The following BIRC6 variants were observed in gnomAD, a reference collection of about 807,000 sequenced individuals.
BIRC6 encodes the protein baculoviral IAP repeat containing 6.
Under a neutral mutation model 503.3 loss-of-function variants are expected in BIRC6, and 98 were observed. The ratio of observed to expected loss-of-function variants is 0.19; its 90% CI spans 0.17 to 0.23. The LOEUF is 0.23. Ranked by LOEUF, BIRC6 falls within the 10% of genes least tolerant of loss-of-function variation. The pLI, the probability that BIRC6 is intolerant of heterozygous loss-of-function variation, is 1.00. For missense variants in BIRC6, 5,360 were observed against 5,806.0 expected (o/e 0.92, Z 2.50); for synonymous variants, 2,240 against 2,078.7 (o/e 1.08, Z -2.11).
chr2:32,537,959 C>A (rs1030239576), intron 61 of BIRC6, among the ~76,000 whole-genome samples: 1 of 149,480 alleles, frequency 6.7e-6, no homozygotes, highest in Middle Eastern at 3.2e-3. Context: ...AGCGAGACTC[C>A]GTCTCAAAAA....
chr2:32,477,452 A>C lies in BIRC6; in HGVS notation c.6937A>C (p.Ser2313Arg). The change falls in exon 35 of 74, where the codon AGT (serine) becomes CGT (arginine). Residue 2313 changes from serine to arginine, a missense_variant. By Grantham distance (110) the Ser-to-Arg change is moderately radical (BLOSUM62 -1). Coordinates refer to ENST00000421745, the MANE Select transcript of BIRC6 (RefSeq NM_016252.4). ...CACAGAAGTTACAACAGCAAAAGAA[A>C]GTCCTGAGATAGAACCACTTCCATT... ...LDTEVTTAKE[S>R]PEIEPLPFTL... The C allele has an allele frequency of 6.2e-7, 1 of 1,614,040 alleles. No homozygotes were observed.
At chr2:32,434,854 T>G (rs2044526372) in intron 13 of BIRC6, among the ~76,000 whole-genome samples, 1 of 152,186 alleles carries the variant, frequency 6.6e-6, no homozygotes, top group African/African-American at 2.4e-5. Flanking sequence ...AGTGAGACTC[T>G]GTCTGAAATA....
chr2:32,460,232 A>G (rs1465074153), intron 23 of BIRC6, among the ~76,000 whole-genome samples: 1 of 117,814 alleles, frequency 8.5e-6, no homozygotes, highest in Non-Finnish European at 1.7e-5. Flanking sequence ...CTCATATGAT[A>G]TATCTCGTAT....
intron 22 of BIRC6, among the ~76,000 whole-genome samples, chr2:32,452,505 C>G (rs2046833888): frequency 6.6e-6 from 1 of 152,062 alleles, no homozygotes. Flanking sequence ...GAATTGAGAA[C>G]TGTTCCTCTA....
intron 1 of BIRC6, among the ~76,000 whole-genome samples, chr2:32,360,286 G>T (rs2033852796): frequency 6.6e-6 from 1 of 152,196 alleles, no homozygotes; most frequent in Non-Finnish European, 1.5e-5. Context: ...GGCAAAGACA[G>T]TGAATTTTTA....
At chr2:32,456,093 C>A (rs991726091) in intron 23 of BIRC6, among the ~76,000 whole-genome samples, 1 of 152,188 alleles carries the variant, frequency 6.6e-6, no homozygotes, top group African/African-American at 2.4e-5. Context: ...ATTTCCAGCA[C>A]CCCAAAAGGT....
At chr2:32,449,959 C>T (rs2148547804) in intron 22 of BIRC6, among the ~76,000 whole-genome samples, 1 of 152,344 alleles carries the variant, frequency 6.6e-6, no homozygotes, top group South Asian at 2.1e-4. Flanking sequence ...TCACCATTTT[C>T]TGTCTTCTCT....
At chr2:32,406,602 C>A in intron 9 of BIRC6, 45 bp downstream of exon 9, 1 of 1,366,498 alleles carries the variant, frequency 7.3e-7, no homozygotes, top group Non-Finnish European at 1.0e-6. Context: ...ATTCTTTACA[C>A]AGTTGTGCAT....
chr2:32,477,326 T>G (rs2049880113), intron 34 of BIRC6, 42 bp from the exon 35 acceptor site: 3 of 1,579,202 alleles, frequency 1.9e-6, no homozygotes, highest in Non-Finnish European at 2.6e-6. Context: ...AAATTTTCAT[T>G]AAGTAAACAT....
At position 32,429,257 on chromosome 2, in the gene BIRC6, C is replaced by T; in HGVS notation, c.2984C>T (p.Ser995Phe). The change falls in exon 11 of 74, where the codon TCC becomes TTC. Residue 995 changes from serine to phenylalanine, a missense_variant. Physicochemically the swap from Ser to Phe is radical, Grantham distance 155. Coordinates refer to ENST00000421745, the MANE Select transcript of BIRC6 (RefSeq NM_016252.4). ...SKGIEPSSEG[S>F]KPLSNPSSPG... Reference sequence around the variant, plus strand: ...GGAATAGAACCATCTTCAGAAGGTTCCAAACCTTTATCAAATCCTTCAAGT... The same window carrying T: ...GGAATAGAACCATCTTCAGAAGGTTTCAAACCTTTATCAAATCCTTCAAGT... 1 of 1,538,926 alleles carries T rather than the reference C, an allele frequency of 6.5e-7. No individual in the cohort carries two copies. The highest frequency in any genetic ancestry group is 8.7e-7 in the Non-Finnish European group (1 of 1,143,088).
At chr2:32,418,815 G>A (rs2042641709) in intron 10 of BIRC6, among the ~76,000 whole-genome samples, 1 of 152,118 alleles carries the variant, frequency 6.6e-6, no homozygotes, top group South Asian at 2.1e-4. Context: ...AGGTGTGGTG[G>A]TGCATACCTG....
chr2:32,388,819 C>G lies in BIRC6; in HGVS notation c.715C>G (p.Leu239Val). 1.2e-6 allele frequency: 2 copies of G among 1,613,136 alleles called. No individual in the cohort carries two copies. The highest frequency in any genetic ancestry group is 1.7e-4 in the Middle Eastern group (1 of 6,058). Residue 239 changes from leucine to valine, a missense_variant, in exon 4 of 74, where the codon CTC (leucine) becomes GTC (valine). Coordinates refer to ENST00000421745, the MANE Select transcript of BIRC6 (RefSeq NM_016252.4). ...KSIASAIVNE[L>V]KKINQNVAAL... is the part of the protein sequence containing the mutation. ...CATTGCCAGTGCCATTGTAAATGAA[C>G]TCAAGAAAATAAATCAAAATGTTGC...
At chr2:32,555,236 G>T (rs1311510964) in intron 65 of BIRC6, among the ~76,000 whole-genome samples, 1 of 152,128 alleles carries the variant, frequency 6.6e-6, no homozygotes, top group Admixed American at 6.5e-5. Context: ...TCTGGGAGCT[G>T]TGGTGGTGGT....
At chr2:32,521,769 C>T (rs1215841160) in intron 57 of BIRC6, among the ~76,000 whole-genome samples, 1 of 151,952 alleles carries the variant, frequency 6.6e-6, no homozygotes, top group African/African-American at 2.4e-5. Context: ...CATGAGCCAC[C>T]ACATCAGGCC....
At position 32,487,878 on chromosome 2, in the gene BIRC6, C is replaced by T. The variant is rs1306467594; in HGVS notation, c.7968+77C>T. On this transcript the variant is annotated intron_variant, in intron 41 of 73. Transcript: ENST00000421745. The stretch of plus-strand genomic sequence containing the variant: ...AAAAGATGAAACTAATTGGGAAGTT[C>T]ATTCTAATCCTGTCAGGGATGATTT... 1.5e-5 allele frequency: 18 copies of T among 1,213,970 alleles called. No homozygotes were observed. The Middle Eastern group carries it at 6.0e-4, about 41-fold the overall frequency. 75.2% of individuals were successfully genotyped at this position (1,213,970 alleles called of 1,614,324 possible).
chr2:32,588,303 C>T (rs1220109436), intron 66 of BIRC6, among the ~76,000 whole-genome samples: 1 of 152,078 alleles, frequency 6.6e-6, no homozygotes, highest in Non-Finnish European at 1.5e-5. Context: ...TTGCAGTGAG[C>T]CAAGATCTGC....
intron 73 of BIRC6, among the ~76,000 whole-genome samples, chr2:32,611,894 A>T (rs2062900813): frequency 6.6e-6 from 1 of 151,854 alleles, no homozygotes; most frequent in Non-Finnish European, 1.5e-5. Flanking sequence ...TTTTCTTTTG[A>T]GACTGGATTT....
chr2:32,459,432 A>C (rs1010275275), intron 23 of BIRC6, among the ~76,000 whole-genome samples: 1 of 151,470 alleles, frequency 6.6e-6, no homozygotes, highest in Non-Finnish European at 1.5e-5. Flanking sequence ...TTTTTGGTCA[A>C]TGTGTGTTTT....
At chr2:32,416,958 C>T (rs1351850132) in intron 10 of BIRC6, among the ~76,000 whole-genome samples, 1 of 152,008 alleles carries the variant, frequency 6.6e-6, no homozygotes, top group Admixed American at 6.6e-5. Flanking sequence ...GCCTCAGCCT[C>T]CCAAGTAGCT....
Sources: gnomAD v4.1 joint callset for allele counts (sites outside exome capture counted in the v4.1 genomes callset) on GRCh38, gnomAD v4.1.1 for gene constraint, MANE v1.5 for transcripts, NCBI Gene and HGNC (gene_info 2026-07-23, HGNC 2026-07-21) for gene names.